PDE1A: variants seen among roughly 807,000 people sequenced by gnomAD.
PDE1A encodes dual specificity calcium/calmodulin-dependent 3',5'-cyclic nucleotide phosphodiesterase 1A.
In PDE1A, 35 loss-of-function variants were observed where a neutral mutation model predicts 61.7. The observed-to-expected ratio is 0.57, with a 90% CI of 0.43 to 0.75. The LOEUF (loss-of-function observed/expected upper bound fraction) is 0.75. Among genes scored for constraint, PDE1A ranks in the 30% least tolerant of loss-of-function variants. PDE1A has a pLI of 0.00. For synonymous variants in PDE1A, 232 were observed against 213.2 expected, an observed-to-expected ratio of 1.09 and a Z score of -0.77; for missense variants, 597 against 630.6, an observed-to-expected ratio of 0.95 and a Z score of 0.57.
At position 182,409,546 on chromosome 2, in the gene PDE1A, C is replaced by T. The variant is rs574093374; in HGVS notation, c.53+17032G>A. ...ACTAAGCAGATTGTAAAAGTAAATG[C>T]ATAGCTAAAAACCATGAAAAAGCCT... is the stretch of plus-strand genomic sequence containing the variant. On this transcript the variant is annotated intron_variant, in intron 1 of 13. Transcript: ENST00000351439. Among the ~76,000 whole-genome samples the T allele has an allele frequency of 4.5e-4, 68 of 152,266 alleles. No individual in the cohort carries two copies. In the South Asian group the frequency reaches 4.6e-3, roughly 10 times the overall value.
the PDE1A span, among the ~76,000 whole-genome samples, chr2:182,529,486 C>T: frequency 6.6e-6 from 1 of 152,176 alleles, no homozygotes; most frequent in Middle Eastern, 3.2e-3. Flanking sequence ...TGCCTTGTCT[C>T]AGATGAGACT....
chr2:182,667,832 ATC>A, the PDE1A span, among the ~76,000 whole-genome samples: 1 of 152,220 alleles, frequency 6.6e-6, no homozygotes, highest in African/African-American at 2.4e-5. Context: ...AAGTTCCAAA[ATC>A]TCTTTCTTTC....
the PDE1A span, among the ~76,000 whole-genome samples, chr2:182,588,961 T>C: frequency 4.6e-5 from 7 of 151,254 alleles, no homozygotes; most frequent in South Asian, 1.5e-3. Flanking sequence ...GAGAATCACA[T>C]GAACCTGGGA....
At chr2:182,310,490 A>T (rs892736100) in intron 1 of PDE1A, among the ~76,000 whole-genome samples, 1 of 152,166 alleles carries the variant, frequency 6.6e-6, no homozygotes, top group Non-Finnish European at 1.5e-5. Flanking sequence ...TCATATACTC[A>T]TTTAGGGCTT....
At chr2:182,188,901 T>A in intron 11 of PDE1A, 78 bp downstream of exon 11, 1 of 933,640 alleles carries the variant, frequency 1.1e-6, no homozygotes, top group Non-Finnish European at 1.7e-6. Flanking sequence ...AAGTTACCCC[T>A]TTGAACAACA....
chr2:182,440,524 C>T (rs112039416), intron 2 of PDE1A, among the ~76,000 whole-genome samples: 187 of 152,062 alleles, frequency 1.2e-3, no homozygotes, highest in African/African-American at 4.1e-3. Flanking sequence ...GCAGCAAATG[C>T]CTATTGTGTT....
At chr2:182,285,638 G>C (rs1398586759) in intron 1 of PDE1A, among the ~76,000 whole-genome samples, 1 of 152,110 alleles carries the variant, frequency 6.6e-6, no homozygotes, top group South Asian at 2.1e-4. Context: ...CCAATGGAAA[G>C]TCAGCATCTT....
the PDE1A span, among the ~76,000 whole-genome samples, chr2:182,649,807 A>C: frequency 6.6e-6 from 1 of 152,104 alleles, no homozygotes; most frequent in Non-Finnish European, 1.5e-5. Context: ...ACAGGGTTTC[A>C]CCATCTTGGC....
intron 13 of PDE1A, among the ~76,000 whole-genome samples, chr2:182,157,557 G>A (rs1395152223): frequency 1.3e-5 from 2 of 152,070 alleles, no homozygotes; most frequent in Admixed American, 6.6e-5. Context: ...TTCCATCTAG[G>A]GAGGATGCGA....
chr2:182,365,678 A>T (rs747508106), intron 1 of PDE1A, among the ~76,000 whole-genome samples: 2 of 151,972 alleles, frequency 1.3e-5, no homozygotes, highest in Non-Finnish European at 2.9e-5. Flanking sequence ...GCAATGATAG[A>T]ATTAATATTG....
intron 13 of PDE1A, chr2:182,168,337 C>T (rs752835510): frequency 8.7e-6 from 13 of 1,498,642 alleles, no homozygotes; most frequent in Middle Eastern, 1.8e-4. Flanking sequence ...AGAGAAAATG[C>T]TGTAAAGAAG....
intron 1 of PDE1A, among the ~76,000 whole-genome samples, chr2:182,351,444 T>A (rs1427746313): frequency 6.6e-6 from 1 of 152,140 alleles, no homozygotes; most frequent in Non-Finnish European, 1.5e-5. Context: ...ATTAGACACA[T>A]TTTGCAGCTA....
At chr2:182,690,146 T>C in the PDE1A span, among the ~76,000 whole-genome samples, 1 of 151,944 alleles carries the variant, frequency 6.6e-6, no homozygotes, top group Admixed American at 6.6e-5. Flanking sequence ...TTCCAATCAA[T>C]AGAAAAAGAG....
At chr2:182,651,995 T>C in the PDE1A span, among the ~76,000 whole-genome samples, 1 of 152,214 alleles carries the variant, frequency 6.6e-6, no homozygotes, top group Non-Finnish European at 1.5e-5. Context: ...AATGGGATAA[T>C]ATTGACAGCT....
intron 2 of PDE1A, among the ~76,000 whole-genome samples, chr2:182,500,450 T>A (rs1332867671): frequency 1.4e-5 from 2 of 146,674 alleles, no homozygotes; most frequent in African/African-American, 5.1e-5. Context: ...TATTTAAAAA[T>A]AAGGAAAAGC....
chr2:182,392,666 T>C (rs4630732), intron 1 of PDE1A, among the ~76,000 whole-genome samples: 42,712 of 152,236 alleles, frequency 0.28, 6,254 homozygotes, highest in East Asian at 0.43. Context: ...AGTTACTTCC[T>C]AGATATAATG....
the PDE1A span, among the ~76,000 whole-genome samples, chr2:182,677,063 C>A: frequency 2.6e-5 from 4 of 151,990 alleles, no homozygotes; most frequent in Admixed American, 2.0e-4. Context: ...TCTTGGCCAG[C>A]GCAATCAGGC....
chr2:182,564,778 C>T, the PDE1A span, among the ~76,000 whole-genome samples: 1 of 152,248 alleles, frequency 6.6e-6, no homozygotes, highest in Middle Eastern at 3.4e-3. Context: ...CTCTAAACTT[C>T]CCTTCTCGCT....
At chr2:182,273,971 T>C (rs981019561) in intron 1 of PDE1A, among the ~76,000 whole-genome samples, 3 of 152,110 alleles carry the variant, frequency 2.0e-5, no homozygotes, top group Non-Finnish European at 2.9e-5. Context: ...TCCTGGAGGC[T>C]GGGAAATCCC....
Sources: gnomAD v4.1 joint callset for allele counts (sites outside exome capture counted in the v4.1 genomes callset) on GRCh38, gnomAD v4.1.1 for gene constraint, MANE v1.5 for transcripts, NCBI Gene and HGNC (gene_info 2026-07-23, HGNC 2026-07-21) for gene names.